SIL1: variants seen among roughly 807,000 people sequenced by gnomAD.
SIL1 encodes the protein nucleotide exchange factor SIL1.
In SIL1, 40 loss-of-function variants were observed where a neutral mutation model predicts 49.1. That is an observed-to-expected ratio of 0.81 (90% confidence interval 0.63 to 1.06). The LOEUF is 1.06. SIL1 is among the 50% of genes least tolerant of loss of function. The pLI is 0.00. For synonymous variants in SIL1, 253 were observed against 250.8 expected, an observed-to-expected ratio of 1.01 and a Z score of -0.08; for missense variants, 500 against 572.6, an observed-to-expected ratio of 0.87 and a Z score of 1.29.
At chr5:139,192,470 A>G (rs1019540802) in intron 1 of SIL1, among the ~76,000 whole-genome samples, 17 of 152,308 alleles carry the variant, frequency 1.1e-4, no homozygotes, top group African/African-American at 4.1e-4. Flanking sequence ...AACATAGCCT[A>G]TGAGCAGACC....
chr5:139,140,844 T>A (rs1333223872), intron 1 of SIL1, among the ~76,000 whole-genome samples: 1 of 152,168 alleles, frequency 6.6e-6, no homozygotes, highest in East Asian at 1.9e-4. Flanking sequence ...GAAACCACAT[T>A]TAGTTCTGTC....
At chr5:138,987,126 TTTTA>T (rs1443148338) in intron 7 of SIL1, among the ~76,000 whole-genome samples, 9 of 149,748 alleles carry the variant, frequency 6.0e-5, no homozygotes, top group African/African-American at 2.0e-4. Context: ...TTTTATTTTA[TTTTA>T]TTTATTTTGA....
At chr5:138,953,935 G>C (rs1386527248) in intron 7 of SIL1, among the ~76,000 whole-genome samples, 28 of 152,226 alleles carry the variant, frequency 1.8e-4, no homozygotes, top group Non-Finnish European at 1.5e-4. Flanking sequence ...CAGAGCAGCA[G>C]AGACAAGGCC....
intron 1 of SIL1, among the ~76,000 whole-genome samples, chr5:139,160,142 A>ATC (rs1491400176): frequency 1.2e-4 from 8 of 68,656 alleles, no homozygotes; most frequent in East Asian, 4.6e-4. Flanking sequence ...CATTTCCACA[A>ATC]TCACACACAC....
chr5:139,040,416 T>C (rs558893892), intron 5 of SIL1, among the ~76,000 whole-genome samples: 4 of 151,454 alleles, frequency 2.6e-5, no homozygotes, highest in Non-Finnish European at 4.4e-5. Context: ...GCAAATGAGC[T>C]GGAGCTTGGG....
intron 3 of SIL1, among the ~76,000 whole-genome samples, chr5:139,055,607 CCTCT>C (rs142976671): frequency 0.25 from 27,767 of 109,776 alleles, 4,512 homozygotes; most frequent in Middle Eastern, 0.34. Context: ...TCTCCCTCTC[CCTCT>C]CCCTCTCCCC....
At chr5:138,970,824 C>A (rs540968531) in intron 7 of SIL1, among the ~76,000 whole-genome samples, 2 of 152,178 alleles carry the variant, frequency 1.3e-5, no homozygotes, top group Non-Finnish European at 2.9e-5. Flanking sequence ...ATAGCTTGAA[C>A]CTGGGAGGGG....
intron 7 of SIL1, among the ~76,000 whole-genome samples, chr5:138,966,303 C>G (rs1767136760): frequency 6.6e-6 from 1 of 152,128 alleles, no homozygotes; most frequent in African/African-American, 2.4e-5. Flanking sequence ...GGGCCACCAC[C>G]CAGGGCTGGG....
At chr5:139,195,477 TC>T (rs1350039845) in intron 1 of SIL1, among the ~76,000 whole-genome samples, 18 of 152,120 alleles carry the variant, frequency 1.2e-4, no homozygotes, top group Non-Finnish European at 2.5e-4. Flanking sequence ...AAGCTCCGCT[TC>T]CCAGGTTCAC....
intron 7 of SIL1, among the ~76,000 whole-genome samples, chr5:138,992,711 C>T (rs1024584503): frequency 6.6e-6 from 1 of 151,286 alleles, no homozygotes; most frequent in Non-Finnish European, 1.5e-5. Flanking sequence ...ACTTTGGGGA[C>T]TCGGGGAAGG....
At chr5:139,010,137 T>G (rs1280796946) in intron 7 of SIL1, among the ~76,000 whole-genome samples, 2 of 138,230 alleles carry the variant, frequency 1.4e-5, no homozygotes, top group African/African-American at 5.4e-5. Context: ...CATAGTCCCA[T>G]ATTTCTTGGA....
intron 7 of SIL1, among the ~76,000 whole-genome samples, chr5:138,959,912 A>G (rs1766982255): frequency 6.6e-6 from 1 of 152,262 alleles, no homozygotes. Context: ...GGCTGCTCAC[A>G]TGATCTTCTG....
intron 3 of SIL1, among the ~76,000 whole-genome samples, chr5:139,087,263 C>A (rs1040788567): frequency 6.6e-6 from 1 of 152,170 alleles, no homozygotes; most frequent in Non-Finnish European, 1.5e-5. Context: ...ATCCAACATC[C>A]TGCTACAATC....
At chr5:139,194,332 G>GGAAC (rs1752226642) in intron 1 of SIL1, among the ~76,000 whole-genome samples, 1 of 152,186 alleles carries the variant, frequency 6.6e-6, no homozygotes, top group Non-Finnish European at 1.5e-5. Context: ...GATGAACTCA[G>GGAAC]TTATTGCTTA....
chr5:139,168,698 C>T (rs551237455), intron 1 of SIL1, among the ~76,000 whole-genome samples: 28 of 152,044 alleles, frequency 1.8e-4, no homozygotes, highest in South Asian at 1.5e-3. Context: ...TCAAGCAAGG[C>T]GCAGTGACTG....
chr5:139,144,563 A>G (rs1014023594), intron 1 of SIL1, among the ~76,000 whole-genome samples: 7 of 152,162 alleles, frequency 4.6e-5, no homozygotes, highest in Non-Finnish European at 8.8e-5. Flanking sequence ...GGATTTTTAA[A>G]GGACGAAATT....
intron 1 of SIL1, among the ~76,000 whole-genome samples, chr5:139,156,806 G>A (rs899231475): frequency 2.0e-5 from 3 of 152,218 alleles, no homozygotes; most frequent in African/African-American, 4.8e-5. Flanking sequence ...TCAGCCCAGT[G>A]ACACTGATTT....
intron 1 of SIL1, among the ~76,000 whole-genome samples, chr5:139,151,608 T>A (rs1407928038): frequency 6.6e-6 from 1 of 152,198 alleles, no homozygotes; most frequent in Non-Finnish European, 1.5e-5. Context: ...TTGGCTTTCA[T>A]TAGGTAGGTA....
chr5:139,155,667 G>GGA (rs547755826), intron 1 of SIL1, among the ~76,000 whole-genome samples: 3 of 152,048 alleles, frequency 2.0e-5, no homozygotes, highest in African/African-American at 7.2e-5. Context: ...CCCCCTAAAG[G>GGA]GAGAGACCTG....
Sources: gnomAD v4.1 joint callset for allele counts (sites outside exome capture counted in the v4.1 genomes callset) on GRCh38, gnomAD v4.1.1 for gene constraint, MANE v1.5 for transcripts, NCBI Gene and HGNC (gene_info 2026-07-23, HGNC 2026-07-21) for gene names.